PTPRD: variants seen among roughly 807,000 people sequenced by gnomAD.
PTPRD encodes the protein receptor-type tyrosine-protein phosphatase delta.
PTPRD carries 34 observed loss-of-function variants against 214.5 expected under a neutral mutation model. The observed-to-expected ratio is 0.16, with a 90% confidence interval of 0.12 to 0.21. The LOEUF is 0.21. PTPRD is among the 10% of genes least tolerant of loss of function. The pLI is 1.00. For missense variants in PTPRD, 2,545 were observed against 2,398.7 expected, an observed-to-expected ratio of 1.06 and a Z score of -1.27; for synonymous variants, 1,128 against 845.7, an observed-to-expected ratio of 1.33 and a Z score of -5.79.
chr9:10,510,657 C>A (rs983745628), intron 2 of PTPRD, among the ~76,000 whole-genome samples: 2 of 152,034 alleles, frequency 1.3e-5, no homozygotes, highest in Non-Finnish European at 1.5e-5. Context: ...ATGATCTTAT[C>A]TGGGTAATGG....
intron 36 of PTPRD, among the ~76,000 whole-genome samples, chr9:8,394,620 C>T (rs1184688483): frequency 6.6e-6 from 1 of 152,108 alleles, no homozygotes; most frequent in African/African-American, 2.4e-5. Flanking sequence ...AACTGATGCC[C>T]TCCAGTTCTT....
At chr9:9,480,687 T>A (rs1170247044) in intron 8 of PTPRD, among the ~76,000 whole-genome samples, 1 of 152,156 alleles carries the variant, frequency 6.6e-6, no homozygotes, top group Non-Finnish European at 1.5e-5. Flanking sequence ...ACCATATATT[T>A]TTTAGTATAT....
In PTPRD at chr9:8,920,103, G is replaced by C. The variant is rs536402300; in HGVS notation, c.-104+98594C>G. Among the ~76,000 whole-genome samples the C allele has an allele frequency of 2.0e-5, 3 of 152,240 alleles. 1 individual carries two copies. In the South Asian group the frequency reaches 6.2e-4, roughly 32 times the overall value. On this transcript the variant is annotated intron_variant, in intron 11 of 45. Transcript: ENST00000381196. Reference sequence around the variant, plus strand: ...CAGCTGTAATCCTAGCACTTTGGGAGACCGAGGTGGTCAGATTGCCTGAGC... The same window carrying C: ...CAGCTGTAATCCTAGCACTTTGGGACACCGAGGTGGTCAGATTGCCTGAGC...
intron 7 of PTPRD, among the ~76,000 whole-genome samples, chr9:9,687,949 G>T (rs2097194986): frequency 6.6e-6 from 1 of 151,752 alleles, no homozygotes; most frequent in South Asian, 2.1e-4. Context: ...GGATCATGGG[G>T]GCAGTTTCAC....
At chr9:8,329,220 G>A (rs532379290) in intron 44 of PTPRD, among the ~76,000 whole-genome samples, 117 of 152,132 alleles carry the variant, frequency 7.7e-4, no homozygotes, top group Non-Finnish European at 1.5e-3. Flanking sequence ...TCTCTGGGTG[G>A]ACGTGCTATT....
chr9:9,441,335 G>A (rs1017105267), intron 8 of PTPRD, among the ~76,000 whole-genome samples: 1 of 152,140 alleles, frequency 6.6e-6, no homozygotes, highest in Non-Finnish European at 1.5e-5. Context: ...AATTAAGTTT[G>A]AACTAGAAAG....
intron 9 of PTPRD, among the ~76,000 whole-genome samples, chr9:9,293,341 G>C (rs1391033781): frequency 6.8e-6 from 1 of 148,092 alleles, no homozygotes; most frequent in African/African-American, 2.5e-5. Context: ...AGCTCTTTCA[G>C]TTCTCTCCTA....
intron 4 of PTPRD, among the ~76,000 whole-genome samples, chr9:9,941,667 G>A (rs180997829): frequency 1.3e-5 from 2 of 152,160 alleles, no homozygotes; most frequent in African/African-American, 4.8e-5. Context: ...TAAGGAAAGG[G>A]TTCAGTAACT....
At chr9:10,201,637 G>C (rs980171862) in intron 3 of PTPRD, among the ~76,000 whole-genome samples, 4 of 151,850 alleles carry the variant, frequency 2.6e-5, no homozygotes, top group Non-Finnish European at 2.9e-5. Context: ...TTTATTTCTT[G>C]ATAGACAATT....
Position 9,703,479 on chromosome 9 carries a change from C to G in PTPRD, c.-287+31054G>C, listed in dbSNP as rs555444994. Among the ~76,000 whole-genome samples, 3 of 152,226 alleles carry G rather than the reference C, an allele frequency of 2.0e-5. No homozygotes were observed. In the South Asian group the frequency reaches 6.2e-4, roughly 32 times the overall value. ...ATTACATTCACCAGGAAGCTTGTTA[C>G]CAAACGCAGAAACTTAGGTTTCACC... On this transcript the variant is annotated intron_variant, in intron 7 of 45. Coordinates refer to ENST00000381196, the MANE Select transcript of PTPRD (RefSeq NM_002839.4).
At chr9:8,627,479 C>A (rs994435125) in intron 14 of PTPRD, among the ~76,000 whole-genome samples, 1 of 151,780 alleles carries the variant, frequency 6.6e-6, no homozygotes, top group African/African-American at 2.4e-5. Context: ...AGTAAACACT[C>A]GCATGAGTTG....
intron 9 of PTPRD, among the ~76,000 whole-genome samples, chr9:9,229,180 A>C (rs1249153378): frequency 6.6e-6 from 1 of 152,130 alleles, no homozygotes; most frequent in Non-Finnish European, 1.5e-5. Context: ...CATTTTAAAA[A>C]ATTGATAACA....
At chr9:9,424,813 T>A (rs549164112) in intron 8 of PTPRD, among the ~76,000 whole-genome samples, 4 of 152,064 alleles carry the variant, frequency 2.6e-5, no homozygotes, top group African/African-American at 4.8e-5. Context: ...CCAGCAAAAA[T>A]AAATCATTTA....
At chr9:8,351,238 CTTACA>C (rs1443679825) in intron 39 of PTPRD, among the ~76,000 whole-genome samples, 1 of 152,084 alleles carries the variant, frequency 6.6e-6, no homozygotes, top group Non-Finnish European at 1.5e-5. Context: ...CATAACACCA[CTTACA>C]TTGTTTTAAA....
chr9:9,283,164 T>C (rs1948316176), intron 9 of PTPRD, among the ~76,000 whole-genome samples: 1 of 151,446 alleles, frequency 6.6e-6, no homozygotes, highest in Admixed American at 6.6e-5. Flanking sequence ...GGCAGTGAAA[T>C]AAGACAGGAT....
intron 2 of PTPRD, among the ~76,000 whole-genome samples, chr9:10,488,076 G>C (rs944584576): frequency 6.6e-6 from 1 of 150,994 alleles, no homozygotes; most frequent in African/African-American, 2.4e-5. Flanking sequence ...GACTAAGACT[G>C]TGCCAGGTCG....
chr9:8,825,106 T>A (rs1206577729), intron 11 of PTPRD, among the ~76,000 whole-genome samples: 1 of 152,208 alleles, frequency 6.6e-6, no homozygotes. Flanking sequence ...TTTAAATATT[T>A]ATGAGTTGGG....
At chr9:9,758,637 T>A (rs2098614190) in intron 6 of PTPRD, among the ~76,000 whole-genome samples, 1 of 151,828 alleles carries the variant, frequency 6.6e-6, no homozygotes, top group Non-Finnish European at 1.5e-5. Flanking sequence ...ACTGTGTCCC[T>A]CCTTCCTCCC....
intron 11 of PTPRD, among the ~76,000 whole-genome samples, chr9:8,756,355 A>T (rs957921516): frequency 2.6e-5 from 4 of 152,130 alleles, no homozygotes; most frequent in African/African-American, 9.7e-5. Flanking sequence ...AAAGACAAAG[A>T]TTTTTTTTAA....
Sources: allele counts gnomAD v4.1 joint callset (sites outside exome capture counted in the v4.1 genomes callset), GRCh38; gene constraint gnomAD v4.1.1; transcripts MANE v1.5; gene names NCBI Gene and HGNC (gene_info 2026-07-23, HGNC 2026-07-21).